The following TMC5 variants were observed in gnomAD, a reference collection of about 807,000 sequenced individuals.
The protein encoded by TMC5 is transmembrane channel-like protein 5.
In TMC5, 86 loss-of-function variants were observed where a neutral mutation model predicts 110.5. The ratio of observed to expected loss-of-function variants is 0.78; its 90% CI spans 0.65 to 0.93. TMC5 has a LOEUF of 0.93. Among genes scored for constraint, TMC5 ranks in the 40% least tolerant of loss-of-function variants. The pLI is 0.00. For synonymous variants in TMC5, 455 were observed against 439.5 expected, an observed-to-expected ratio of 1.04 and a Z score of -0.44; for missense variants, 1,144 against 1,222.8, an observed-to-expected ratio of 0.94 and a Z score of 0.96.
intron 5 of TMC5, chr16:19,456,862 G>C (rs1472536976): frequency 6.2e-7 from 1 of 1,614,174 alleles, no homozygotes. Flanking sequence ...ACATTGATGT[G>C]ATAGACTCTC....
At chr16:19,462,321 C>G (rs1208763692) in intron 6 of TMC5, among the ~76,000 whole-genome samples, 1 of 152,082 alleles carries the variant, frequency 6.6e-6, no homozygotes, top group East Asian at 1.9e-4. Flanking sequence ...CCAATATCAC[C>G]CCCTCTCCAC....
chr16:19,456,686 AAGGCTTGCAGG>A, intron 5 of TMC5: 1 of 1,592,846 alleles, frequency 6.3e-7, no homozygotes, highest in Non-Finnish European at 8.6e-7. Context: ...AGTGGAGAAG[AAGGCTTGCAGG>A]AGGCAGGAGA....
intron 6 of TMC5, among the ~76,000 whole-genome samples, chr16:19,462,874 G>T (rs546539029): frequency 6.6e-6 from 1 of 151,020 alleles, no homozygotes; most frequent in African/African-American, 2.4e-5. Context: ...CTCCAGCCTG[G>T]GTGACAGAGT....
At chr16:19,491,520 T>C (rs1968904842) in intron 18 of TMC5, among the ~76,000 whole-genome samples, 1 of 149,170 alleles carries the variant, frequency 6.7e-6, no homozygotes, top group South Asian at 2.1e-4. Context: ...TATACTATCT[T>C]CTTGTCTTAG....
chr16:19,429,534 C>G lies in TMC5; in HGVS notation c.-307-879C>G, dbSNP rs1174371815. Among the ~76,000 whole-genome samples the G allele has an allele frequency of 7.9e-5, 12 of 152,144 alleles. 1 individual carries two copies. The highest frequency in any genetic ancestry group is 7.9e-4 in the Admixed American group (12 of 15,264). ...CAAGCAAACGAAATCAATGTCTCTG[C>G]TGAAATGTGCCTGTGTGTGAGCGTC... is the stretch of plus-strand genomic sequence containing the variant. On this transcript the variant is annotated intron_variant, in intron 1 of 21. Coordinates refer to ENST00000542583, the MANE Select transcript of TMC5 (RefSeq NM_001261841.2).
chr16:19,458,244 C>G (rs569206662), intron 5 of TMC5, among the ~76,000 whole-genome samples: 133 of 152,124 alleles, frequency 8.7e-4, no homozygotes, highest in African/African-American at 3.2e-3. Flanking sequence ...GAGTTTCACT[C>G]TTGTTGCCCA....
intron 10 of TMC5, among the ~76,000 whole-genome samples, chr16:19,470,826 G>C (rs903961438): frequency 1.3e-5 from 2 of 149,482 alleles, no homozygotes; most frequent in Non-Finnish European, 3.0e-5. Context: ...GAGGTCAGGA[G>C]TTCACGACCA....
At position 19,440,784 on chromosome 16, in the gene TMC5, G is replaced by A. The variant is rs879065842; in HGVS notation, c.746G>A (p.Gly249Asp). 1.9e-6 allele frequency: 3 copies of A among 1,613,824 alleles called. No homozygotes were observed. Among genetic ancestry groups the A allele is most frequent in the Non-Finnish European group, 2.5e-6 (3 of 1,180,038 alleles). ...REPDYSDAEN[G>D]HDYGSSETPK... Reference sequence around the variant, plus strand: ...CCTGATTATTCAGATGCTGAGAATGGTCATGATTATGGCTCTTCTGAGACC... The same window carrying A: ...CCTGATTATTCAGATGCTGAGAATGATCATGATTATGGCTCTTCTGAGACC... Residue 249 changes from glycine (G) to aspartate (D), a missense_variant, in exon 3 of 22, where the codon GGT becomes GAT. Transcript: ENST00000542583.
intron 15 of TMC5, among the ~76,000 whole-genome samples, chr16:19,485,326 C>T (rs547713013): frequency 1.3e-4 from 20 of 152,216 alleles, no homozygotes; most frequent in African/African-American, 3.6e-4. Context: ...ACTTGCCCAA[C>T]GGCATCCTAG....
At chr16:19,441,034 A>T (rs1967475935) in intron 3 of TMC5, among the ~76,000 whole-genome samples, 1 of 152,118 alleles carries the variant, frequency 6.6e-6, no homozygotes, top group African/African-American at 2.4e-5. Flanking sequence ...ACTTGAACTT[A>T]ATCTTTCACC....
At chr16:19,435,717 A>T (rs1482629417) in intron 2 of TMC5, among the ~76,000 whole-genome samples, 1 of 152,018 alleles carries the variant, frequency 6.6e-6, no homozygotes, top group Non-Finnish European at 1.5e-5. Flanking sequence ...CACTATTTTG[A>T]CTTCTGTCAC....
At chr16:19,493,457 C>CTGTCTCTCTT (rs1567329361) in intron 19 of TMC5, among the ~76,000 whole-genome samples, 8 of 50,898 alleles carry the variant, frequency 1.6e-4, no homozygotes, top group Admixed American at 9.0e-4. Context: ...CTCTCTCTCT[C>CTGTCTCTCTT]TCTCTCTCTT....
chr16:19,415,428 G>T (rs891267292), upstream of TMC5, among the ~76,000 whole-genome samples: 2 of 152,080 alleles, frequency 1.3e-5, no homozygotes, highest in East Asian at 3.9e-4. Flanking sequence ...TTGCAGATGG[G>T]GTGGGGTTGG....
Position 19,460,344 on chromosome 16 carries a change from A to C in TMC5, c.1148+10A>C. On this transcript the variant is annotated intron_variant, in intron 6 of 21. Transcript: ENST00000542583. The stretch of plus-strand genomic sequence containing the variant: ...AGAAAAGGAACCTTAGGTATGGACT[A>C]AAGGCTTTTCTTCTTTCTCAGATTT... 1 of 1,567,838 alleles carries C rather than the reference A, an allele frequency of 6.4e-7. No individual in the cohort carries two copies. Among genetic ancestry groups the C allele is most frequent in the Non-Finnish European group, 8.7e-7 (1 of 1,146,048 alleles).
intron 2 of TMC5, among the ~76,000 whole-genome samples, chr16:19,433,166 A>G (rs1376503434): frequency 6.6e-6 from 1 of 152,204 alleles, no homozygotes; most frequent in African/African-American, 2.4e-5. Flanking sequence ...CTCAAAATCT[A>G]AATGTCTTAA....
At chr16:19,425,391 A>G (rs1228976285) in intron 1 of TMC5, among the ~76,000 whole-genome samples, 6 of 115,240 alleles carry the variant, frequency 5.2e-5, no homozygotes, top group Non-Finnish European at 1.7e-5. Context: ...AGTTTAGTTT[A>G]TTCATATCTG....
At chr16:19,438,075 A>G (rs1967387552) in intron 2 of TMC5, among the ~76,000 whole-genome samples, 1 of 152,120 alleles carries the variant, frequency 6.6e-6, no homozygotes, top group South Asian at 2.1e-4. Flanking sequence ...AGTAAAAACA[A>G]CAGGTATCCA....
rs1487235145 is a variant in TMC5 at position 19,497,140 on chromosome 16, T to G, written c.2951T>G (p.Leu984Trp). The change falls in exon 21 of 22, where the codon TTG becomes TGG. Residue 984 changes from leucine to tryptophan, a missense_variant. By Grantham distance (61) the Leu-to-Trp change is moderately conservative (BLOSUM62 -2). Transcript: ENST00000542583. ...REVEQQGFLH[L>W]GEHDGSLDLR... The stretch of plus-strand genomic sequence containing the variant: ...TTTCAGCAACAAGGCTTTTTGCATT[T>G]GGGGGAACATGATGGCAGTCTTGGT... The G allele has an allele frequency of 6.2e-7, 1 of 1,614,080 alleles. No homozygotes were observed. The highest frequency in any genetic ancestry group is 1.1e-5 in the South Asian group (1 of 91,090).
At chr16:19,460,133 ACTT>A (rs1222667827) in intron 5 of TMC5, 99 bp from the exon 6 acceptor site, 1 of 762,046 alleles carries the variant, frequency 1.3e-6, no homozygotes, top group African/African-American at 1.8e-5. Context: ...AACTCCATAA[ACTT>A]CTTCCCTTGT....
Sources: allele counts gnomAD v4.1 joint callset (sites outside exome capture counted in the v4.1 genomes callset), GRCh38; gene constraint gnomAD v4.1.1; transcripts MANE v1.5; gene names NCBI Gene and HGNC (gene_info 2026-07-23, HGNC 2026-07-21).